Variants in DOCK1 observed in about 807,000 individuals in gnomAD.
DOCK1 encodes dedicator of cytokinesis protein 1.
A neutral mutation model predicts 262.7 loss-of-function variants in DOCK1; 138 were observed. The ratio of observed to expected loss-of-function variants is 0.53; its 90% CI spans 0.46 to 0.61. The LOEUF is 0.61. Ranked by LOEUF, DOCK1 falls within the 20% of genes least tolerant of loss-of-function variation. DOCK1 has a pLI of 0.00. For synonymous variants in DOCK1, 866 were observed against 867.4 expected, an observed-to-expected ratio of 1.00 and a Z score of 0.03; for missense variants, 1,908 against 2,370.7, an observed-to-expected ratio of 0.80 and a Z score of 4.05.
chr10:127,165,446 T>C (rs372052382), intron 27 of DOCK1, among the ~76,000 whole-genome samples: 2 of 152,334 alleles, frequency 1.3e-5, no homozygotes, highest in East Asian at 1.9e-4. Flanking sequence ...GATAACCTAG[T>C]GCTGTAACCA....
chr10:127,260,979 GTGTA>G (rs1344174686), intron 29 of DOCK1, among the ~76,000 whole-genome samples: 2 of 47,060 alleles, frequency 4.2e-5, no homozygotes, highest in Non-Finnish European at 4.9e-5. Flanking sequence ...GTGTGTGTGT[GTGTA>G]CCCGTGCTCA....
intron 1 of DOCK1, among the ~76,000 whole-genome samples, chr10:126,910,925 T>G (rs1021487932): frequency 6.6e-6 from 1 of 152,198 alleles, no homozygotes; most frequent in Non-Finnish European, 1.5e-5. Flanking sequence ...TATCATTTCA[T>G]GGTCTGGATA....
rs149382008 is a variant in DOCK1, at chr10:127,093,219, T to TTTCTTTG, written c.2446-13010_2446-13009insCTTTGTT. On this transcript the variant is annotated intron_variant, in intron 23 of 51. Coordinates refer to ENST00000623213, the MANE Select transcript of DOCK1 (RefSeq NM_001290223.2). ...TCCTTTTTCTTTCTTTCTTTCTTTC[T>TTTCTTTG]TTTCTTTCTTTCTTTCTTTCTTCTT... is the stretch of plus-strand genomic sequence containing the variant. Among the ~76,000 whole-genome samples, 132 of 62,900 alleles carry TTTCTTTG rather than the reference T, an allele frequency of 2.1e-3. 2 individuals are homozygous for TTTCTTTG. Among genetic ancestry groups the TTTCTTTG allele is most frequent in the African/African-American group, 6.3e-3 (92 of 14,638 alleles). The allele number at this position is 62,900 out of a possible 152,430, so 41.3% of individuals were successfully genotyped here.
chr10:127,183,371 T>G (rs2055922408), intron 27 of DOCK1, among the ~76,000 whole-genome samples: 1 of 152,204 alleles, frequency 6.6e-6, no homozygotes, highest in South Asian at 2.1e-4. Flanking sequence ...TGGATCCCTC[T>G]TGTATTTTCA....
intron 27 of DOCK1, among the ~76,000 whole-genome samples, chr10:127,246,195 A>G (rs76643755): frequency 0.015 from 2,270 of 152,280 alleles, 44 homozygotes; most frequent in African/African-American, 0.047. Context: ...ATGAGGGGTA[A>G]AGAAATGAGG....
chr10:127,186,468 G>A (rs562666643), intron 27 of DOCK1, among the ~76,000 whole-genome samples: 31 of 129,288 alleles, frequency 2.4e-4, no homozygotes, highest in South Asian at 8.0e-4. Flanking sequence ...GATCTCCTGC[G>A]ATTTCACTCA....
chr10:127,052,728 C>A lies in DOCK1; in HGVS notation c.2249C>A (p.Pro750Gln). The A allele has an allele frequency of 9.9e-6, 16 of 1,613,752 alleles. No homozygotes were observed. The highest frequency in any genetic ancestry group is 1.4e-5 in the Non-Finnish European group (16 of 1,179,848). The change falls in exon 22 of 52, where the codon CCG becomes CAG. Residue 750 changes from proline to glutamine, a missense_variant. Coordinates refer to ENST00000623213, the MANE Select transcript of DOCK1 (RefSeq NM_001290223.2). Reference sequence around the variant, plus strand: ...AACTACGTGGACGGTGCTGAGAAGCCGGGAGTAAATGAGCAGCTGTACAAA... The same window carrying A: ...AACTACGTGGACGGTGCTGAGAAGCAGGGAGTAAATGAGCAGCTGTACAAA... ...LKNYVDGAEKPGVNEQLYKAM... is the reference protein window; with the variant it reads ...LKNYVDGAEKQGVNEQLYKAM...
At position 127,451,418 on chromosome 10, in the gene DOCK1, C is replaced by T. The variant is rs377121875; in HGVS notation, c.5652C>T (p.Ile1884=). ...AGCAGGCATCGGTGGACTCCGGGATCGTGCAGTGACGTCGCAAGCCTCTCT... is the reference window on the plus strand; with the variant it reads ...AGCAGGCATCGGTGGACTCCGGGATTGTGCAGTGACGTCGCAAGCCTCTCT... ...TRKQASVDSG[I]VQ Residue 1884 remains isoleucine, a synonymous_variant, in exon 52 of 52, where the codon ATC becomes ATT. Transcript: ENST00000623213. The T allele has an allele frequency of 2.5e-5, 40 of 1,578,788 alleles. No homozygotes were observed. The highest frequency in any genetic ancestry group is 3.3e-5 in the Non-Finnish European group (38 of 1,162,618).
At chr10:127,069,553 T>C (rs779857313) in intron 23 of DOCK1, among the ~76,000 whole-genome samples, 43 of 152,198 alleles carry the variant, frequency 2.8e-4, no homozygotes, top group Admixed American at 1.2e-3. Flanking sequence ...ATGGTGTTAA[T>C]TGATCTGAGG....
At chr10:126,979,333 C>T (rs1021974361) in intron 3 of DOCK1, among the ~76,000 whole-genome samples, 2 of 152,078 alleles carry the variant, frequency 1.3e-5, no homozygotes, top group African/African-American at 2.4e-5. Flanking sequence ...CCAGCCTCTG[C>T]TGGTCATAAT....
chr10:127,054,668 A>G (rs6650137), intron 22 of DOCK1, among the ~76,000 whole-genome samples: 1,543 of 152,280 alleles, frequency 0.01, 24 homozygotes, highest in African/African-American at 0.035. Flanking sequence ...CTGATTTTAA[A>G]TCTCTGATTA....
At chr10:127,246,014 C>T (rs1331117146) in intron 27 of DOCK1, among the ~76,000 whole-genome samples, 1 of 152,152 alleles carries the variant, frequency 6.6e-6, no homozygotes, top group Non-Finnish European at 1.5e-5. Context: ...TCCGGGTCAG[C>T]GACTGCATCA....
chr10:127,434,576 A>G (rs775837752), intron 48 of DOCK1, among the ~76,000 whole-genome samples: 1 of 147,778 alleles, frequency 6.8e-6, no homozygotes, highest in Non-Finnish European at 1.5e-5. Flanking sequence ...ACAATTCCCC[A>G]CTCTTTACCT....
Position 127,106,272 on chromosome 10 carries a change from G to A in DOCK1, c.2487G>A (p.Val829=), listed in dbSNP as rs1356399418. ...LKYLPTIVND[V]KLVFDPKELS... is the part of the protein sequence containing the mutation. ...ACTTACCAACGATCGTCAACGATGT[G>A]AAATTGGTGTTTGATCCCAAAGAGC... Residue 829 remains valine (V), a synonymous_variant, in exon 24 of 52, where the codon GTG becomes GTA. Coordinates refer to ENST00000623213, the MANE Select transcript of DOCK1 (RefSeq NM_001290223.2). 6.9e-6 allele frequency: 11 copies of A among 1,598,152 alleles called. No individual in the cohort carries two copies. Among genetic ancestry groups the A allele is most frequent in the Non-Finnish European group, 8.5e-6 (10 of 1,171,390 alleles).
intron 24 of DOCK1, among the ~76,000 whole-genome samples, chr10:127,108,003 C>T (rs540726148): frequency 8.8e-4 from 134 of 152,340 alleles, no homozygotes; most frequent in African/African-American, 3.1e-3. Context: ...GTGGTTGAGC[C>T]GTGTGCTTGG....
intron 29 of DOCK1, among the ~76,000 whole-genome samples, chr10:127,294,710 G>A (rs914874190): frequency 6.2e-5 from 9 of 146,224 alleles, no homozygotes; most frequent in East Asian, 2.0e-4. Context: ...GTGCAACGGC[G>A]TGATCTCGGA....
chr10:127,163,025 C>G (rs563208584), intron 27 of DOCK1, among the ~76,000 whole-genome samples: 1 of 152,180 alleles, frequency 6.6e-6, no homozygotes, highest in Non-Finnish European at 1.5e-5. Context: ...GGTCCGGGCC[C>G]GGCTTCTCTC....
At chr10:127,351,084 T>C (rs570956520) in intron 31 of DOCK1, among the ~76,000 whole-genome samples, 12 of 152,290 alleles carry the variant, frequency 7.9e-5, no homozygotes, top group Middle Eastern at 3.4e-3. Flanking sequence ...GGGGTATGTT[T>C]CTTGGAGTGA....
intron 25 of DOCK1, among the ~76,000 whole-genome samples, chr10:127,121,924 C>T (rs1416720221): frequency 6.6e-6 from 1 of 152,232 alleles, no homozygotes; most frequent in African/African-American, 2.4e-5. Flanking sequence ...CACACTCATA[C>T]CACCACTATC....
Sources: gnomAD v4.1 joint callset for allele counts (sites outside exome capture counted in the v4.1 genomes callset) on GRCh38, gnomAD v4.1.1 for gene constraint, MANE v1.5 for transcripts, NCBI Gene and HGNC (gene_info 2026-07-23, HGNC 2026-07-21) for gene names.